NDRG2: variants seen among roughly 807,000 people sequenced by gnomAD.
NDRG2 encodes protein NDRG2.
Under a neutral mutation model 58.2 loss-of-function variants are expected in NDRG2, and 34 were observed. The observed-to-expected ratio is 0.58, with a 90% CI of 0.44 to 0.78. The LOEUF is 0.78. NDRG2 is among the 30% of genes least tolerant of loss of function. The pLI, the probability that NDRG2 is intolerant of heterozygous loss-of-function variation, is 0.00. For missense variants in NDRG2, 434 were observed against 471.2 expected, an observed-to-expected ratio of 0.92 and a Z score of 0.73; for synonymous variants, 187 against 175.9, an observed-to-expected ratio of 1.06 and a Z score of -0.50.
chr14:21,031,114 GA>G (rs747518021), intron 1 of NDRG2: 5 of 1,614,178 alleles, frequency 3.1e-6, no homozygotes, highest in Non-Finnish European at 4.2e-6. Flanking sequence ...AAGTCCTGGA[GA>G]ACATTTATGG....
chr14:21,041,625 A>G (rs1320702285), intron 1 of NDRG2, among the ~76,000 whole-genome samples: 1 of 152,224 alleles, frequency 6.6e-6, no homozygotes, highest in Non-Finnish European at 1.5e-5. Context: ...GGAAGCACTA[A>G]GGCAGGATGT....
chr14:21,018,384 C>A, intron 13 of NDRG2, 73 bp downstream of exon 13: 1 of 1,608,342 alleles, frequency 6.2e-7, no homozygotes, highest in Non-Finnish European at 8.5e-7. Flanking sequence ...CCATGCCGGG[C>A]CCTGGAGGCT....
Position 21,022,946 on chromosome 14 carries a change from A to G in NDRG2, c.76-41T>C, listed in dbSNP as rs368126731. The stretch of plus-strand genomic sequence containing the variant: ...CGGATTCACACAGAAACACATGACC[A>G]TGTGGCGTCCCAGATGGAGAGACAA... On this transcript the variant is annotated intron_variant, in intron 2 of 15. Coordinates refer to ENST00000556147, the MANE Select transcript of NDRG2 (RefSeq NM_001320329.2). 324 of 1,612,320 alleles carry G rather than the reference A, an allele frequency of 2.0e-4. 1 individual carries two copies. Among genetic ancestry groups the G allele is most frequent in the South Asian group, 7.4e-4 (67 of 90,898 alleles).
intron 1 of NDRG2, among the ~76,000 whole-genome samples, chr14:21,064,260 T>A (rs1038469292): frequency 6.6e-6 from 1 of 152,092 alleles, no homozygotes; most frequent in Non-Finnish European, 1.5e-5. Context: ...TCCCTAAAAT[T>A]GAGAGTGACT....
At chr14:21,023,127 G>A (rs1367020631) in intron 2 of NDRG2, 114 bp downstream of exon 2, 2 of 968,214 alleles carry the variant, frequency 2.1e-6, no homozygotes, top group Non-Finnish European at 3.2e-6. Context: ...CTAGGGTAGT[G>A]GTGAAGCAGT....
At position 21,043,638 on chromosome 14, in the gene NDRG2, T is replaced by A. The variant is rs1594498238; in HGVS notation, c.25-20317A>T. The A allele has an allele frequency of 5.2e-6, 3 of 579,584 alleles. No homozygotes were observed. The East Asian group carries it at 8.8e-5, about 17-fold the overall frequency. 35.9% of individuals were successfully genotyped at this position (579,584 alleles called of 1,614,324 possible). A position where few individuals can be genotyped will look rare whatever the true frequency, so the allele number is the denominator to read the frequency against. The stretch of plus-strand genomic sequence containing the variant: ...GTGAGCTGAGCTCTAGAGGGATGGC[T>A]TTTCATCTTTTTGTTGCTGTTTTCC... On this transcript the variant is annotated intron_variant, in intron 1 of 14. Coordinates refer to the NDRG2 transcript ENST00000403829.
intron 1 of NDRG2, among the ~76,000 whole-genome samples, chr14:21,069,112 A>G (rs1313873968): frequency 6.6e-6 from 1 of 152,190 alleles, no homozygotes; most frequent in African/African-American, 2.4e-5. Context: ...CACCCTTTAG[A>G]AGAGCTCACG....
chr14:21,021,451 G>T, intron 6 of NDRG2: 1 of 318,252 alleles, frequency 3.1e-6, no homozygotes, highest in Non-Finnish European at 6.1e-6. Flanking sequence ...CATCCACCAG[G>T]TGTGGGCATG....
rs556061400 is a variant in NDRG2 at position 21,055,535 on chromosome 14, A to G, written c.24+15293T>C. 4.6e-5 allele frequency among the ~76,000 whole-genome samples: 7 copies of G among 152,220 alleles called. 1 individual carries two copies. The highest frequency in any genetic ancestry group is 1.0e-4 in the Non-Finnish European group (7 of 68,030). On this transcript the variant is annotated intron_variant, in intron 1 of 14. Coordinates refer to the NDRG2 transcript ENST00000403829. ...AAACTCATGATGAATGACTAGGATC[A>G]AAACACACAATCAAAGGAACCCCAT...
upstream of NDRG2, chr14:21,025,340 C>T: frequency 1.0e-6 from 1 of 984,478 alleles, no homozygotes; most frequent in African/African-American, 1.7e-5. The surrounding 1 kb of genome is among the most constrained non-coding windows in gnomAD (Gnocchi z 5.1). Context: ...TGCGGGGATC[C>T]CTCAGCCCTG....
At chr14:21,061,018 G>A (rs1027517095) in intron 1 of NDRG2, among the ~76,000 whole-genome samples, 2 of 152,322 alleles carry the variant, frequency 1.3e-5, no homozygotes, top group African/African-American at 2.4e-5. Flanking sequence ...ACCTAGGTTG[G>A]TACAACCGCA....
chr14:21,030,717 A>G, upstream of NDRG2: 1 of 1,614,186 alleles, frequency 6.2e-7, no homozygotes, highest in Non-Finnish European at 8.5e-7. Context: ...CAAGACAGTC[A>G]CCTCCACGGA....
At chr14:21,066,874 A>G (rs1020799655) in intron 1 of NDRG2, among the ~76,000 whole-genome samples, 6 of 152,358 alleles carry the variant, frequency 3.9e-5, no homozygotes, top group African/African-American at 1.4e-4. Flanking sequence ...GAACTGATAT[A>G]TATTTACATA....
chr14:21,051,000 TCATA>T (rs1885441033), intron 1 of NDRG2, among the ~76,000 whole-genome samples: 1 of 152,340 alleles, frequency 6.6e-6, no homozygotes, highest in Admixed American at 6.5e-5. Flanking sequence ...AATTTTTCTA[TCATA>T]CAAAGTTATT....
At chr14:21,053,794 AC>A (rs1426697774) in intron 1 of NDRG2, among the ~76,000 whole-genome samples, 1 of 151,928 alleles carries the variant, frequency 6.6e-6, no homozygotes, top group African/African-American at 2.4e-5. Context: ...ACAGAGCAAG[AC>A]CCTGCCTTAA....
At chr14:21,057,813 A>ACTCCCTT (rs1396378588) in intron 1 of NDRG2, 5 of 1,246,236 alleles carry the variant, frequency 4.0e-6, no homozygotes, top group Admixed American at 4.2e-5. Context: ...AAATTCTTAG[A>ACTCCCTT]AGGACTAACA....
chr14:21,036,708 C>G (rs34717190), intron 1 of NDRG2, among the ~76,000 whole-genome samples: 44,588 of 152,086 alleles, frequency 0.29, 7,846 homozygotes, highest in Admixed American at 0.37. Context: ...CTACCTGGAA[C>G]CCTGCTGCTG....
At position 21,070,425 on chromosome 14, in the gene NDRG2, G is replaced by C; in HGVS notation, c.24+403C>G. The C allele has an allele frequency of 7.1e-7, 1 of 1,405,462 alleles. No individual in the cohort carries two copies. 87.1% of individuals were successfully genotyped at this position (1,405,462 alleles called of 1,614,324 possible). The stretch of plus-strand genomic sequence containing the variant: ...GTGAGTCCAGCGTCGCAGCCCCCTG[G>C]GTCCCCTCGGCCTTCGCGCAGCCCG... On this transcript the variant is annotated intron_variant, in intron 1 of 14. Coordinates refer to the NDRG2 transcript ENST00000403829. The surrounding 1 kb of genome is among the most constrained non-coding windows in gnomAD (Gnocchi z 4.7).
intron 1 of NDRG2, chr14:21,032,372 G>C (rs569364782): frequency 2.0e-6 from 1 of 489,578 alleles, no homozygotes; most frequent in Admixed American, 2.4e-5. Context: ...AGATGAACCA[G>C]ATGTGGAGGT....
Sources: gnomAD v4.1 joint callset for allele counts (sites outside exome capture counted in the v4.1 genomes callset) on GRCh38, gnomAD v4.1.1 for gene constraint, Gnocchi (gnomAD v3.1) non-coding constraint, MANE v1.5 for transcripts, NCBI Gene and HGNC (gene_info 2026-07-23, HGNC 2026-07-21) for gene names.